The following PPP4R3B variants were observed in gnomAD, a reference collection of about 807,000 sequenced individuals.
PPP4R3B encodes the protein protein phosphatase 4 regulatory subunit 3B.
A neutral mutation model predicts 95.4 loss-of-function variants in PPP4R3B; 52 were observed. That is an observed-to-expected ratio of 0.54 (90% CI 0.44 to 0.69). The LOEUF (loss-of-function observed/expected upper bound fraction) is 0.69, where lower values mean the gene tolerates loss of function less well. Among genes scored for constraint, PPP4R3B ranks in the 30% least tolerant of loss-of-function variants. PPP4R3B has a pLI of 0.00. For missense variants in PPP4R3B, 1,003 were observed against 1,005.9 expected (o/e 1.00, Z 0.04); for synonymous variants, 407 against 343.9 (o/e 1.18, Z -2.03).
At chr2:55,605,253 AAACT>A (rs1235645723) in intron 2 of PPP4R3B, among the ~76,000 whole-genome samples, 3 of 152,220 alleles carry the variant, frequency 2.0e-5, no homozygotes, top group Non-Finnish European at 2.9e-5. Context: ...AAAAAAATAC[AAACT>A]AAGTTTATAC....
At position 55,617,182 on chromosome 2, in the gene PPP4R3B, A is replaced by G. The variant is rs765346046; in HGVS notation, c.104T>C (p.Leu35Pro). Residue 35 changes from leucine (L) to proline (P), a missense_variant, in exon 1 of 17, where the codon CTC becomes CCC. Leu to Pro is a moderately conservative substitution (Grantham distance 98, BLOSUM62 -3). Transcript: ENST00000616407. ...GHVSSTYVEELKGMSLLVRAE... is the reference protein window; with the variant it reads ...GHVSSTYVEEPKGMSLLVRAE... ...CCGAACCAGCAGCGACATCCCCTTGAGCTCCTCCACGTAAGTGGAGGAGAC... is the reference window on the plus strand; with the variant it reads ...CCGAACCAGCAGCGACATCCCCTTGGGCTCCTCCACGTAAGTGGAGGAGAC... The G allele has an allele frequency of 1.4e-5, 22 of 1,613,368 alleles. No individual in the cohort carries two copies. Among genetic ancestry groups the G allele is most frequent in the Non-Finnish European group, 1.9e-5 (22 of 1,179,710 alleles).
At chr2:55,588,461 C>T (rs12986797) in intron 5 of PPP4R3B, among the ~76,000 whole-genome samples, 28,244 of 148,720 alleles carry the variant, frequency 0.19, 2,863 homozygotes, top group East Asian at 0.29. Flanking sequence ...TGTGGTGAGC[C>T]GAGATCGCAC....
chr2:55,561,579 C>T (rs781583238), intron 15 of PPP4R3B, among the ~76,000 whole-genome samples: 20 of 152,218 alleles, frequency 1.3e-4, no homozygotes, highest in Middle Eastern at 3.2e-3. Context: ...GCCATAGGGG[C>T]GAAGCCAGCC....
Position 55,553,179 on chromosome 2 carries a change from G to C in PPP4R3B, c.2455-3173C>G, listed in dbSNP as rs567252525. 2.7e-4 allele frequency among the ~76,000 whole-genome samples: 41 copies of C among 152,306 alleles called. 1 individual carries two copies. In the South Asian group the frequency reaches 8.3e-3, roughly 31 times the overall value. On this transcript the variant is annotated intron_variant, in intron 16 of 16. Transcript: ENST00000616407. ...CATATACTTCATGACTTTAGGCAAA[G>C]TAAAGGGCATGGGTAAGGCCAGGCT...
chr2:55,606,088 C>CA (rs1262167177), intron 2 of PPP4R3B, among the ~76,000 whole-genome samples: 1 of 152,000 alleles, frequency 6.6e-6, no homozygotes, highest in African/African-American at 2.4e-5. Flanking sequence ...CCAGGGTACC[C>CA]ACTCAGGCTC....
intron 15 of PPP4R3B, among the ~76,000 whole-genome samples, chr2:55,563,737 T>C (rs185867351): frequency 5.3e-4 from 80 of 152,304 alleles, no homozygotes; most frequent in African/African-American, 1.7e-3. Flanking sequence ...AAAATGGTAA[T>C]TCCTCAGGCC....
At chr2:55,612,372 T>A (rs996113895) in intron 2 of PPP4R3B, among the ~76,000 whole-genome samples, 4 of 152,150 alleles carry the variant, frequency 2.6e-5, no homozygotes, top group African/African-American at 9.7e-5. Flanking sequence ...CTAACAAACA[T>A]AGAAAAATGT....
chr2:55,551,049 AAAAAAC>A (rs1197739932), intron 16 of PPP4R3B, among the ~76,000 whole-genome samples: 1 of 152,178 alleles, frequency 6.6e-6, no homozygotes, highest in Non-Finnish European at 1.5e-5. Context: ...TTTATGTAAA[AAAAAAC>A]AAAAACAAAA....
At chr2:55,570,967 C>A (rs138936106) in intron 12 of PPP4R3B, among the ~76,000 whole-genome samples, 6 of 152,166 alleles carry the variant, frequency 3.9e-5, no homozygotes, top group Non-Finnish European at 8.8e-5. Context: ...ACAGTTACAA[C>A]AGCACTGCTT....
At chr2:55,599,985 C>G (rs1180567273) in intron 3 of PPP4R3B, among the ~76,000 whole-genome samples, 2 of 152,146 alleles carry the variant, frequency 1.3e-5, no homozygotes, top group Non-Finnish European at 2.9e-5. Context: ...TATGCTTTCT[C>G]AAAGCTAAAC....
At chr2:55,567,422 A>T (rs1226889330) in intron 13 of PPP4R3B, among the ~76,000 whole-genome samples, 1 of 148,420 alleles carries the variant, frequency 6.7e-6, no homozygotes. Flanking sequence ...CTACCAAATG[A>T]TTTTTTTTTT....
chr2:55,615,303 A>C, intron 2 of PPP4R3B, 148 bp downstream of exon 2: 1 of 663,130 alleles, frequency 1.5e-6, no homozygotes, highest in South Asian at 1.8e-5. Context: ...TTTCAGTCTG[A>C]AACTTTTAAC....
intron 1 of PPP4R3B, among the ~76,000 whole-genome samples, chr2:55,616,877 TCA>T (rs1482606017): frequency 6.6e-6 from 1 of 152,068 alleles, no homozygotes; most frequent in African/African-American, 2.4e-5. Flanking sequence ...CCCTTCTCTC[TCA>T]CACTCTCCCC....
chr2:55,552,644 T>G (rs1478928219), intron 16 of PPP4R3B, among the ~76,000 whole-genome samples: 1 of 152,168 alleles, frequency 6.6e-6, no homozygotes, highest in Non-Finnish European at 1.5e-5. Context: ...TCTGCCCACC[T>G]CAGACTCCCA....
chr2:55,609,226 A>G (rs1173368986), intron 2 of PPP4R3B, among the ~76,000 whole-genome samples: 2 of 152,006 alleles, frequency 1.3e-5, no homozygotes, highest in Non-Finnish European at 2.9e-5. Flanking sequence ...AGGTGTGATC[A>G]TCACGAACTA....
chr2:55,552,109 T>TATAAAAAC (rs1229055847), intron 16 of PPP4R3B, among the ~76,000 whole-genome samples: 11 of 152,174 alleles, frequency 7.2e-5, no homozygotes, highest in African/African-American at 2.7e-4. Context: ...CAATTTGAGT[T>TATAAAAAC]TTACTTATAT....
chr2:55,588,731 A>G (rs970172099), intron 5 of PPP4R3B, 148 bp downstream of exon 5: 4 of 533,722 alleles, frequency 7.5e-6, no homozygotes, highest in Admixed American at 3.3e-5. Context: ...ACTCTGAATA[A>G]TCATTTCATA....
chr2:55,615,484 CT>C lies in PPP4R3B; in HGVS notation c.164del (p.Lys55ArgfsTer2). The C allele has an allele frequency of 6.3e-7, 1 of 1,593,196 alleles. No homozygotes were observed. The highest frequency in any genetic ancestry group is 8.5e-7 in the Non-Finnish European group (1 of 1,169,860). ...TCTGATATGCAGTATTTGGATTTAT[CT>C]TTGATTCCAAGAGTAGTGATCCTGA... ...ESDGSLLLES[K>X]INPNTAYQKQ... On this transcript the variant is annotated frameshift_variant, in exon 2 of 17. Transcript: ENST00000616407. LOFTEE classifies it high-confidence loss of function.
intron 12 of PPP4R3B, among the ~76,000 whole-genome samples, chr2:55,572,157 T>C (rs900243620): frequency 6.6e-6 from 1 of 152,008 alleles, no homozygotes; most frequent in Non-Finnish European, 1.5e-5. Context: ...GTTACATACA[T>C]AAATGTAAAA....
Sources: allele counts gnomAD v4.1 joint callset (sites outside exome capture counted in the v4.1 genomes callset), GRCh38; gene constraint gnomAD v4.1.1; transcripts MANE v1.5; gene names NCBI Gene and HGNC (gene_info 2026-07-23, HGNC 2026-07-21).